The following INPP5B variants were observed in gnomAD, a reference collection of about 807,000 sequenced individuals.
INPP5B encodes type II inositol 1,4,5-trisphosphate 5-phosphatase.
In INPP5B, 90 loss-of-function variants were observed where a neutral mutation model predicts 118.5. The observed-to-expected ratio is 0.76, with a 90% CI of 0.64 to 0.90. INPP5B has a LOEUF of 0.90. Ranked by LOEUF, INPP5B falls within the 40% of genes least tolerant of loss-of-function variation. The pLI is 0.00. For missense variants in INPP5B, 984 were observed against 1,125.6 expected (o/e 0.87, Z 1.80); for synonymous variants, 385 against 418.9 (o/e 0.92, Z 0.99).
chr1:37,903,090 C>CA (rs1348993671), intron 7 of INPP5B, among the ~76,000 whole-genome samples: 1 of 152,182 alleles, frequency 6.6e-6, no homozygotes, highest in Non-Finnish European at 1.5e-5. Context: ...TGAACCAGAG[C>CA]AACTCCATCT....
Position 37,889,667 on chromosome 1 carries a change from C to T in INPP5B, c.687G>A (p.Val229=). 6.2e-7 allele frequency: 1 copy of T among 1,613,838 alleles called. No homozygotes were observed. Among genetic ancestry groups the T allele is most frequent in the Non-Finnish European group, 8.5e-7 (1 of 1,179,814 alleles). ...TGGATAAAATATGAGCCTTGTCCGA[C>T]ACTGTGATAGTGGAGGAGCGAACCA... The part of the protein sequence containing the change: ...TDMVRSSTIT[V]SDKAHILSMQ... Residue 229 remains valine, a synonymous_variant, in exon 9 of 24, where the codon GTG becomes GTA. Coordinates refer to ENST00000373024, the MANE Select transcript of INPP5B (RefSeq NM_005540.3).
chr1:37,883,599 C>A, intron 13 of INPP5B: 2 of 985,410 alleles, frequency 2.0e-6, no homozygotes, highest in Non-Finnish European at 2.4e-6. Context: ...CAGCAGTACA[C>A]GCACACCAAA....
Position 37,886,905 on chromosome 1 carries a change from C to T in INPP5B, c.1114G>A (p.Gly372Arg), listed in dbSNP as rs1643573206. 1 of 1,614,000 alleles carries T rather than the reference C, an allele frequency of 6.2e-7. No homozygotes were observed. Among genetic ancestry groups the T allele is most frequent in the South Asian group, 1.1e-5 (1 of 91,086 alleles). Reference protein sequence around the residue: ...SEVEAETVGTGIMGRMGNKGG... With the variant: ...SEVEAETVGTRIMGRMGNKGG... Reference sequence around the variant, plus strand: ...GGACTCACCATCCTCCCCATGATTCCTGTCCCCACAGTCTCGGCTTCCACT... The same window carrying T: ...GGACTCACCATCCTCCCCATGATTCTTGTCCCCACAGTCTCGGCTTCCACT... Residue 372 changes from glycine (G) to arginine (R), a missense_variant, in exon 12 of 24, where the codon GGA becomes AGA. By Grantham distance (125) the Gly-to-Arg change is moderately radical. Transcript: ENST00000373024.
chr1:37,874,141 A>G lies in INPP5B; in HGVS notation c.1803T>C (p.Asn601=). Residue 601 remains asparagine (N), a synonymous_variant, in exon 18 of 24, where the codon AAT becomes AAC. Coordinates refer to ENST00000373024, the MANE Select transcript of INPP5B (RefSeq NM_005540.3). ...CTACTTTCAATTGCATGTACTTCAC[A>G]TTCTGAAAACAGAACTGGGAAGAAG... is the stretch of plus-strand genomic sequence containing the variant. ...SLSKREFCFQ[N]VKYMQLKVES... 1.3e-6 allele frequency: 2 copies of G among 1,572,740 alleles called. No homozygotes were observed. Among genetic ancestry groups the G allele is most frequent in the South Asian group, 1.1e-5 (1 of 87,542 alleles).
intron 7 of INPP5B, among the ~76,000 whole-genome samples, chr1:37,923,629 G>A (rs1570320368): frequency 6.6e-6 from 1 of 151,934 alleles, no homozygotes; most frequent in African/African-American, 2.4e-5. Context: ...TTGAAATGTG[G>A]GTAGATAGGA....
intron 7 of INPP5B, chr1:37,931,420 C>A (rs1052264758): frequency 9.9e-6 from 15 of 1,511,200 alleles, no homozygotes; most frequent in Non-Finnish European, 1.3e-5. Flanking sequence ...GAGTTCGGAA[C>A]GGAGCTTTAC....
chr1:37,926,022 A>G (rs1645214490), intron 7 of INPP5B, among the ~76,000 whole-genome samples: 1 of 152,202 alleles, frequency 6.6e-6, no homozygotes, highest in South Asian at 2.1e-4. Flanking sequence ...TGCTAAAAGG[A>G]TATGTTGGTC....
chr1:37,946,138 C>T, intron 2 of INPP5B, 114 bp downstream of exon 2: 1 of 1,010,546 alleles, frequency 9.9e-7, no homozygotes. Context: ...TACTGATTTC[C>T]TTCTCCCCTG....
In INPP5B at chr1:37,878,236, G is replaced by A; in HGVS notation, c.1629C>T (p.Ala543=). 1 of 1,614,058 alleles carries A rather than the reference G, an allele frequency of 6.2e-7. No individual in the cohort carries two copies. Among genetic ancestry groups the A allele is most frequent in the Non-Finnish European group, 8.5e-7 (1 of 1,180,022 alleles). Residue 543 remains alanine (A), a synonymous_variant, in exon 16 of 24, where the codon GCC becomes GCT. Transcript: ENST00000373024. ...CAGGCTTGTGGTCACTGGTCTTCAG[G>A]GCCATGTGGCTCTGGTAACTCAGCT... ...ITQLSYQSHM[A]LKTSDHKPVS...
chr1:37,878,440 AGT>A (rs1642978746), intron 15 of INPP5B, 117 bp from the exon 16 acceptor site: 1 of 1,491,404 alleles, frequency 6.7e-7, no homozygotes, highest in Non-Finnish European at 8.9e-7. Flanking sequence ...CATGTGGCTA[AGT>A]CATCTGAGGC....
In INPP5B at chr1:37,907,173, C is replaced by T. The variant is rs1256295275; in HGVS notation, c.533-15719G>A. ...AATAATTTCACTTATTTTGCTTTAC[C>T]GTTGTGGAATACATTGCTGTTGTAC... On this transcript the variant is annotated intron_variant, in intron 7 of 23. Transcript: ENST00000373024. The surrounding 1 kb of genome is among the most constrained non-coding windows in gnomAD (Gnocchi z 4.3). Among the ~76,000 whole-genome samples the T allele has an allele frequency of 1.3e-5, 2 of 152,150 alleles. No homozygotes were observed. The highest frequency in any genetic ancestry group is 2.1e-4 in the South Asian group (1 of 4,826).
chr1:37,930,195 C>T (rs1405417329), intron 7 of INPP5B: 1 of 152,160 alleles, frequency 6.6e-6, no homozygotes, highest in Non-Finnish European at 1.5e-5. Context: ...GTGGCTGGGA[C>T]TACAGGTACG....
intron 5 of INPP5B, among the ~76,000 whole-genome samples, chr1:37,942,814 C>T (rs1038886264): frequency 6.6e-6 from 1 of 151,562 alleles, no homozygotes; most frequent in Non-Finnish European, 1.5e-5. Context: ...GAAGCAGAGG[C>T]AGGGGAATCA....
rs1442206676 is a variant in INPP5B, at chr1:37,875,695, G to T, written c.1699C>A (p.Leu567Ile). ...ATTTCCTCCAGTGTCTTCCGGTAAA[G>T]CTCGTCATTTACGACCCTCACCTGA... ...DIGVRVVNDE[L>I]YRKTLEEIVR... Residue 567 changes from leucine to isoleucine, a missense_variant, in exon 17 of 24, where the codon CTT becomes ATT. Leu to Ile is a conservative substitution (Grantham distance 5, BLOSUM62 2). Around this residue, in one of 2 missense-constraint regions of INPP5B, gnomAD observed 634 missense variants for 791.0 expected, o/e 0.80. Coordinates refer to ENST00000373024, the MANE Select transcript of INPP5B (RefSeq NM_005540.3). 1.2e-6 allele frequency: 2 copies of T among 1,613,808 alleles called. No homozygotes were observed. Among genetic ancestry groups the T allele is most frequent in the Non-Finnish European group, 1.7e-6 (2 of 1,179,814 alleles).
chr1:37,877,167 C>T (rs917427369), intron 16 of INPP5B, among the ~76,000 whole-genome samples: 6 of 151,664 alleles, frequency 4.0e-5, no homozygotes, highest in Non-Finnish European at 5.9e-5. Flanking sequence ...GAGATCGAAC[C>T]CCATCTCTAC....
intron 7 of INPP5B, chr1:37,930,524 G>C (rs1490972065): frequency 6.6e-6 from 1 of 152,268 alleles, no homozygotes; most frequent in Non-Finnish European, 1.5e-5. Context: ...CTTGTGAAGG[G>C]GCAAGGAGAT....
At chr1:37,927,775 G>A (rs1425051031) in intron 7 of INPP5B, among the ~76,000 whole-genome samples, 1 of 152,054 alleles carries the variant, frequency 6.6e-6, no homozygotes, top group Non-Finnish European at 1.5e-5. Context: ...CTGACCTCGT[G>A]ATCCGCCCTC....
chr1:37,936,151 C>T (rs998957516), intron 6 of INPP5B, among the ~76,000 whole-genome samples: 2 of 152,102 alleles, frequency 1.3e-5, no homozygotes, highest in Non-Finnish European at 1.5e-5. Context: ...GTAGCTAAGA[C>T]CCTTCATGAG....
At chr1:37,917,115 C>A (rs1020821693) in intron 7 of INPP5B, among the ~76,000 whole-genome samples, 1 of 149,438 alleles carries the variant, frequency 6.7e-6, no homozygotes, top group Admixed American at 6.7e-5. Flanking sequence ...ATGGTGAAAC[C>A]CCGTCTCTAC....
Sources: allele counts gnomAD v4.1 joint callset (sites outside exome capture counted in the v4.1 genomes callset), GRCh38; gene constraint gnomAD v4.1.1; regional missense constraint gnomAD v4.1.1; non-coding constraint Gnocchi (gnomAD v3.1); transcripts MANE v1.5; gene names NCBI Gene and HGNC (gene_info 2026-07-23, HGNC 2026-07-21).